AHNAK2: variants seen among roughly 807,000 people sequenced by gnomAD.
The protein encoded by AHNAK2 is AHNAK nucleoprotein 2.
A neutral mutation model predicts 30.7 loss-of-function variants in AHNAK2; 18 were observed. That is an observed-to-expected ratio of 0.59 (90% CI 0.41 to 0.87). The LOEUF (loss-of-function observed/expected upper bound fraction) is 0.87. Among genes scored for constraint, AHNAK2 ranks in the 40% least tolerant of loss-of-function variants. The pLI, the probability that AHNAK2 is intolerant of heterozygous loss-of-function variation, is 0.00. For synonymous variants in AHNAK2, 3,590 were observed against 3,073.8 expected (o/e 1.17, Z -5.56); for missense variants, 8,604 against 7,373.0 (o/e 1.17, Z -6.11).
At position 104,942,457 on chromosome 14, in the gene AHNAK2, C is replaced by A; in HGVS notation, c.12994G>T (p.Val4332Leu). 6.2e-7 allele frequency: 1 copy of A among 1,612,602 alleles called. No homozygotes were observed. Among genetic ancestry groups the A allele is most frequent in the South Asian group, 1.1e-5 (1 of 91,032 alleles). ...DVSALKVEADVSLPSMQGDLK... is the reference protein window; with the variant it reads ...DVSALKVEADLSLPSMQGDLK... ...TCCCCCTGCATGGAGGGGAGGCTCA[C>A]GTCAGCCTCCACCTTCAGCGCAGAC... The change falls in exon 7 of 7, where the codon GTG becomes TTG. Residue 4332 changes from valine to leucine, a missense_variant. Physicochemically the swap from Val to Leu is conservative, Grantham distance 32 (BLOSUM62 1). Coordinates refer to ENST00000333244, the MANE Select transcript of AHNAK2 (RefSeq NM_138420.4).
rs751012753 is a variant in AHNAK2 at position 104,939,578 on chromosome 14, C to T, written c.15873G>A (p.Glu5291=). ...HLSTAGMTGD[E]LSTSEVRIHP... ...GGATCCTGACCTCAGAAGTGGAAAG[C>T]TCATCCCCAGTCATCCCAGCAGTGG... The change falls in exon 7 of 7, where the codon GAG becomes GAA. Residue 5291 remains glutamate, a synonymous_variant. Transcript: ENST00000333244. 1 of 1,613,840 alleles carries T rather than the reference C, an allele frequency of 6.2e-7. No homozygotes were observed. The highest frequency in any genetic ancestry group is 2.2e-5 in the East Asian group (1 of 44,888).
intron 1 of AHNAK2, among the ~76,000 whole-genome samples, chr14:104,973,731 T>C (rs1457137274): frequency 6.6e-6 from 1 of 152,106 alleles, no homozygotes; most frequent in African/African-American, 2.4e-5. Context: ...GCCTGGGCAA[T>C]TGCCTAGCCT....
In AHNAK2 at chr14:104,948,635, C is replaced by G. The variant is rs370447678; in HGVS notation, c.6816G>C (p.Val2272=). The change falls in exon 7 of 7, where the codon GTG becomes GTC. Residue 2272 remains valine, a synonymous_variant. Transcript: ENST00000333244. ...KLDLKDPKVE[V]TAPDVEVSLP... ...GAGACACCTCCACATCAGGGGCTGT[C>G]ACTTCCACCTTGGGGTCTTTTAGGT... is the stretch of plus-strand genomic sequence containing the variant. 1.2e-5 allele frequency: 20 copies of G among 1,612,314 alleles called. 3 individuals carry two copies. In the African/African-American group the frequency reaches 2.4e-4, roughly 20 times the overall value.
chr14:104,957,539 A>G, intron 2 of AHNAK2, 31 bp from the exon 3 acceptor site: 2 of 1,589,352 alleles, frequency 1.3e-6, no homozygotes, highest in Non-Finnish European at 1.7e-6. Flanking sequence ...TATTTTTGCC[A>G]CTCGGTTCTC....
Position 104,955,346 on chromosome 14 carries a change from C to A in AHNAK2, c.466+137G>T. ...TACTAGATGCAGTGGGTGATCCCAG[C>A]CTCAAGCTGTTGAGCAGAGGCGTGA... On this transcript the variant is annotated intron_variant, in intron 5 of 6. Transcript: ENST00000333244. The A allele has an allele frequency of 7.3e-6, 10 of 1,375,404 alleles. No homozygotes were observed. In the South Asian group the frequency reaches 1.4e-4, roughly 20 times the overall value. 85.2% of individuals were successfully genotyped at this position (1,375,404 alleles called of 1,614,324 possible). A position where few individuals can be genotyped will look rare whatever the true frequency, so the allele number is the denominator to read the frequency against.
rs1898116142 is a variant in AHNAK2 at position 104,943,885 on chromosome 14, G to A, written c.11566C>T (p.His3856Tyr). 1.2e-6 allele frequency: 2 copies of A among 1,612,972 alleles called. No homozygotes were observed. Among genetic ancestry groups the A allele is most frequent in the Non-Finnish European group, 1.7e-6 (2 of 1,179,576 alleles). Residue 3856 changes from histidine to tyrosine, a missense_variant, in exon 7 of 7, where the codon CAT (histidine) becomes TAT (tyrosine). Coordinates refer to ENST00000333244, the MANE Select transcript of AHNAK2 (RefSeq NM_138420.4). ...GCTTGGACCGTCAGGTCGGCAGAATGGGGCTGAATGCTGAGGTCAGTGGTC... is the reference window on the plus strand; with the variant it reads ...GCTTGGACCGTCAGGTCGGCAGAATAGGGCTGAATGCTGAGGTCAGTGGTC... ...LKTTDLSIQP[H>Y]SADLTVQARQ...
Position 104,938,067 on chromosome 14 carries a change from C to G in AHNAK2, c.17384G>C (p.Gly5795Ala), listed in dbSNP as rs201189960. ...TGTACTGATGAGCCATACCTCTCAGCCTTCATTTGGTCCCAGGCCTGACCC... is the reference window on the plus strand; with the variant it reads ...TGTACTGATGAGCCATACCTCTCAGGCTTCATTTGGTCCCAGGCCTGACCC... ...SKGSGLGPNE[G>A] Residue 5795 changes from glycine to alanine, a missense_variant, in exon 7 of 7, where the codon GGC (glycine) becomes GCC (alanine). Physicochemically the swap from Gly to Ala is moderately conservative, Grantham distance 60 (BLOSUM62 0). Coordinates refer to ENST00000333244, the MANE Select transcript of AHNAK2 (RefSeq NM_138420.4). 1.7e-5 allele frequency: 28 copies of G among 1,611,822 alleles called. No individual in the cohort carries two copies. The highest frequency in any genetic ancestry group is 3.3e-4 in the Middle Eastern group (2 of 6,050).
chr14:104,953,890 A>G lies in AHNAK2; in HGVS notation c.1561T>C (p.Ser521Pro). 6.2e-7 allele frequency: 1 copy of G among 1,613,922 alleles called. No individual in the cohort carries two copies. Among genetic ancestry groups the G allele is most frequent in the Non-Finnish European group, 8.5e-7 (1 of 1,179,876 alleles). The change falls in exon 7 of 7, where the codon TCA becomes CCA. Residue 521 changes from serine to proline, a missense_variant. Coordinates refer to ENST00000333244, the MANE Select transcript of AHNAK2 (RefSeq NM_138420.4). ...PQRGKRQDAS[S>P]KAGTGLKGEE... ...CCCTTCAGGCCAGTACCCGCTTTTG[A>G]GGACGCATCCTGTCTCTTCCCTCGC...
In AHNAK2 at chr14:104,960,709, T is replaced by C. The variant is rs143014975; in HGVS notation, c.56-3037A>G. 3.9e-3 allele frequency among the ~76,000 whole-genome samples: 588 copies of C among 152,362 alleles called. 3 individuals are homozygous for C. The highest frequency in any genetic ancestry group is 0.014 in the African/African-American group (568 of 41,570). On this transcript the variant is annotated intron_variant, in intron 1 of 6. Coordinates refer to ENST00000333244, the MANE Select transcript of AHNAK2 (RefSeq NM_138420.4). ...GTGATGGAGGTCTTCCAGAACTGGA[T>C]TGTGGTAATGTTTGCACAACTCTAT...
rs559049528 is a variant in AHNAK2, at chr14:104,941,695, C to T, written c.13756G>A (p.Asp4586Asn). The change falls in exon 7 of 7, where the codon GAT becomes AAT. Residue 4586 changes from aspartate to asparagine, a missense_variant. Coordinates refer to ENST00000333244, the MANE Select transcript of AHNAK2 (RefSeq NM_138420.4). ...ACGCTGGGCAGAGACACCTCCACAT[C>T]GGGGGCCATCACCTCTGCCTTTGGG... ...KGPKAEVMAP[D>N]VEVSLPSVET... is the part of the protein sequence containing the mutation. 6.2e-6 allele frequency: 10 copies of T among 1,613,234 alleles called. No individual in the cohort carries two copies. In the Admixed American group the frequency reaches 1.0e-4, roughly 16 times the overall value.
rs1161838623 is a variant in AHNAK2, at chr14:104,949,738, G to A, written c.5713C>T (p.His1905Tyr). Residue 1905 changes from histidine (H) to tyrosine (Y), a missense_variant, in exon 7 of 7, where the codon CAC (histidine) becomes TAC (tyrosine). Physicochemically the swap from His to Tyr is moderately conservative, Grantham distance 83. Transcript: ENST00000333244. ...CTGGGCATATCCACCTTGGGCAAGT[G>A]CCCTTTGAGGCCGGCTCCCTCGGGC... ...QVPEGAGLKG[H>Y]LPKVDMPSFK... The A allele has an allele frequency of 6.3e-7, 1 of 1,587,642 alleles. No homozygotes were observed. The highest frequency in any genetic ancestry group is 8.6e-7 in the Non-Finnish European group (1 of 1,163,182).
At chr14:104,968,713 C>A (rs1381531660) in intron 1 of AHNAK2, among the ~76,000 whole-genome samples, 1 of 152,220 alleles carries the variant, frequency 6.6e-6, no homozygotes, top group African/African-American at 2.4e-5. Context: ...GACTGGCTCT[C>A]CAGTGGCCGG....
intron 1 of AHNAK2, among the ~76,000 whole-genome samples, chr14:104,973,124 G>GGT (rs1899515486): frequency 6.6e-6 from 1 of 152,240 alleles, no homozygotes; most frequent in Non-Finnish European, 1.5e-5. Context: ...TGGTCAGGCA[G>GGT]GTGTCTGATC....
Position 104,940,257 on chromosome 14 carries a change from C to T in AHNAK2, c.15194G>A (p.Ser5065Asn). 1 of 1,613,686 alleles carries T rather than the reference C, an allele frequency of 6.2e-7. No individual in the cohort carries two copies. Among genetic ancestry groups the T allele is most frequent in the Non-Finnish European group, 8.5e-7 (1 of 1,179,882 alleles). Residue 5065 changes from serine to asparagine, a missense_variant, in exon 7 of 7, where the codon AGC becomes AAC. By Grantham distance (46) the Ser-to-Asn change is conservative (BLOSUM62 1). Transcript: ENST00000333244. This position sits in a 1 kb window ranked among gnomAD's most constrained non-coding sequence, Gnocchi z 4.4. Reference sequence around the variant, plus strand: ...AAGTCCTCCCCTACCACCGTCACTGCTGGCCTTTTCTGTGTCTTGAAAGCT... The same window carrying T: ...AAGTCCTCCCCTACCACCGTCACTGTTGGCCTTTTCTGTGTCTTGAAAGCT... ...GGSFQDTEKA[S>N]SDGGRGGLGA... is the part of the protein sequence containing the mutation.
chr14:104,963,190 C>T (rs1327958124), intron 1 of AHNAK2, among the ~76,000 whole-genome samples: 27 of 152,102 alleles, frequency 1.8e-4, no homozygotes, highest in Non-Finnish European at 1.5e-5. Flanking sequence ...AGAAGATGTA[C>T]GAGTGTTCAA....
Position 104,947,135 on chromosome 14 carries a change from C to T in AHNAK2, c.8316G>A (p.Val2772=). 1 of 1,612,000 alleles carries T rather than the reference C, an allele frequency of 6.2e-7. No homozygotes were observed. The highest frequency in any genetic ancestry group is 8.5e-7 in the Non-Finnish European group (1 of 1,179,480). ...CCTCCATGCTGGACAGAGACATCTT[C>T]ACATCGGGGGCTGTCACTTCCGCCT... is the stretch of plus-strand genomic sequence containing the variant. ...GPKAEVTAPD[V]KMSLSSMEVD... is the part of the protein sequence containing the mutation. The change falls in exon 7 of 7, where the codon GTG becomes GTA. Residue 2772 remains valine (V), a synonymous_variant. Coordinates refer to ENST00000333244, the MANE Select transcript of AHNAK2 (RefSeq NM_138420.4).
chr14:104,948,690 G>A lies in AHNAK2; in HGVS notation c.6761C>T (p.Pro2254Leu), dbSNP rs767171615. The change falls in exon 7 of 7, where the codon CCC (proline) becomes CTC (leucine). Residue 2254 changes from proline (P) to leucine (L), a missense_variant. Coordinates refer to ENST00000333244, the MANE Select transcript of AHNAK2 (RefSeq NM_138420.4). Reference sequence around the variant, plus strand: ...CTTGGGGCCCTTGATGTCTATTTCGGGGCCCTTGAGGTCCACTTTGGGCAC... The same window carrying A: ...CTTGGGGCCCTTGATGTCTATTTCGAGGCCCTTGAGGTCCACTTTGGGCAC... ...FKVPKVDLKGPEIDIKGPKLD... is the reference protein window; with the variant it reads ...FKVPKVDLKGLEIDIKGPKLD... The A allele has an allele frequency of 7.5e-6, 12 of 1,609,392 alleles. No homozygotes were observed. The East Asian group carries it at 2.5e-4, about 33-fold the overall frequency.
Position 104,946,249 on chromosome 14 carries a change from T to G in AHNAK2, c.9202A>C (p.Ser3068Arg). ...CGATCTACTTTGGGCATCTTGAAAC[T>G]GGGCATCTGCAACTTGGGCAGGTGC... ...KGHLPKLQMP[S>R]FKMPKVDRKG... The change falls in exon 7 of 7, where the codon AGT becomes CGT. Residue 3068 changes from serine to arginine, a missense_variant. Coordinates refer to ENST00000333244, the MANE Select transcript of AHNAK2 (RefSeq NM_138420.4). The G allele has an allele frequency of 6.2e-7, 1 of 1,609,006 alleles. No homozygotes were observed. The highest frequency in any genetic ancestry group is 8.5e-7 in the Non-Finnish European group (1 of 1,178,028).
chr14:104,954,217 C>T lies in AHNAK2; in HGVS notation c.1234G>A (p.Gly412Arg). The change falls in exon 7 of 7, where the codon GGG (glycine) becomes AGG (arginine). Residue 412 changes from glycine to arginine, a missense_variant. Gly to Arg is a moderately radical substitution (Grantham distance 125). Transcript: ENST00000333244. This position sits in a 1 kb window ranked among gnomAD's most constrained non-coding sequence, Gnocchi z 4.3. ...PRLCEGTPQEGGLRAARLHGK... is the reference protein window; with the variant it reads ...PRLCEGTPQERGLRAARLHGK... ...TGGAGCCTGGCTGCCCTGAGTCCCC[C>T]TTCCTGAGGGGTTCCCTCGCAAAGT... The T allele has an allele frequency of 1.9e-6, 3 of 1,611,170 alleles. No individual in the cohort carries two copies. Among genetic ancestry groups the T allele is most frequent in the Middle Eastern group, 3.3e-4 (2 of 6,062 alleles).
Sources: allele counts gnomAD v4.1 joint callset (sites outside exome capture counted in the v4.1 genomes callset), GRCh38; gene constraint gnomAD v4.1.1; non-coding constraint Gnocchi (gnomAD v3.1); transcripts MANE v1.5; gene names NCBI Gene and HGNC (gene_info 2026-07-23, HGNC 2026-07-21).